IGF2BP1: variants seen among roughly 807,000 people sequenced by gnomAD.
IGF2BP1 encodes insulin-like growth factor 2 mRNA-binding protein 1.
IGF2BP1 carries 11 observed loss-of-function variants against 74.9 expected under a neutral mutation model. The ratio of observed to expected loss-of-function variants is 0.15; its 90% confidence interval spans 0.09 to 0.24. The LOEUF is 0.24. Ranked by LOEUF, IGF2BP1 falls within the 10% of genes least tolerant of loss-of-function variation. IGF2BP1 has a pLI of 1.00. For missense variants in IGF2BP1, 440 were observed against 757.4 expected (o/e 0.58, Z 4.92); for synonymous variants, 287 against 281.8 (o/e 1.02, Z -0.18).
intron 2 of IGF2BP1, among the ~76,000 whole-genome samples, chr17:49,011,152 A>C (rs1396981086): frequency 7.3e-5 from 11 of 150,082 alleles, no homozygotes; most frequent in South Asian, 4.2e-4. Flanking sequence ...AAAAAAAAAA[A>C]AAAAAAAAAA....
At chr17:49,003,711 G>A (rs2041511154) in intron 2 of IGF2BP1, among the ~76,000 whole-genome samples, 1 of 148,468 alleles carries the variant, frequency 6.7e-6, no homozygotes, top group East Asian at 2.0e-4. Flanking sequence ...GAAAAGGGGA[G>A]GAAAAAAGCA....
intron 2 of IGF2BP1, among the ~76,000 whole-genome samples, chr17:49,019,904 T>TAATATA (rs2041756785): frequency 2.3e-5 from 1 of 43,910 alleles, no homozygotes; most frequent in Non-Finnish European, 4.2e-5. Flanking sequence ...CCTGGCTAAT[T>TAATATA]TATATATATA....
At chr17:49,035,246 A>G (rs1324777169) in intron 5 of IGF2BP1, among the ~76,000 whole-genome samples, 1 of 152,244 alleles carries the variant, frequency 6.6e-6, no homozygotes, top group Non-Finnish European at 1.5e-5. Context: ...TGATATCCAC[A>G]TGACAAAAGA....
At position 49,038,364 on chromosome 17, in the gene IGF2BP1, C is replaced by A; in HGVS notation, c.598C>A (p.Leu200Ile). 1 of 1,604,548 alleles carries A rather than the reference C, an allele frequency of 6.2e-7. No homozygotes were observed. Among genetic ancestry groups the A allele is most frequent in the Non-Finnish European group, 8.5e-7 (1 of 1,175,734 alleles). Residue 200 changes from leucine to isoleucine, a missense_variant, in exon 6 of 15, where the codon CTC becomes ATC. Leu to Ile is a conservative substitution (Grantham distance 5). Coordinates refer to ENST00000290341, the MANE Select transcript of IGF2BP1 (RefSeq NM_006546.4). ...KQQQVDIPLR[L>I]LVPTQYVGAI... ...GCAGCAAGTGGACATCCCCCTTCGGCTCCTGGTGCCCACCCAGTATGTGGG... is the reference window on the plus strand; with the variant it reads ...GCAGCAAGTGGACATCCCCCTTCGGATCCTGGTGCCCACCCAGTATGTGGG...
upstream of IGF2BP1, among the ~76,000 whole-genome samples, chr17:48,996,964 T>C (rs1333625046): frequency 6.6e-6 from 1 of 152,160 alleles, no homozygotes; most frequent in Non-Finnish European, 1.5e-5. Flanking sequence ...CTTCGGCTTC[T>C]CTTTGTCTGT....
intron 2 of IGF2BP1, among the ~76,000 whole-genome samples, chr17:49,013,370 C>G (rs967877725): frequency 3.3e-5 from 5 of 152,158 alleles, no homozygotes; most frequent in Admixed American, 3.3e-4. Flanking sequence ...TCCGTGCCCC[C>G]ACCCTGCTCC....
rs1206436589 is a variant in IGF2BP1 at position 49,046,244 on chromosome 17, C to T, written c.1528-16C>T. On this transcript the variant is annotated splice_polypyrimidine_tract_variant and intron_variant, in intron 13 of 14. Transcript: ENST00000290341. ...TTTCTTGATGGCACCCTGAGCTCCT[C>T]TCTGGCCACCCCCAGGTGAACGAGT... The T allele has an allele frequency of 4.3e-6, 7 of 1,609,536 alleles. No individual in the cohort carries two copies. In the African/African-American group the frequency reaches 9.4e-5, roughly 21 times the overall value.
At position 49,054,082 on chromosome 17, in the gene IGF2BP1, C is replaced by G. The variant is rs1366178768; in HGVS notation, c.*4638C>G. ...TAACACCAGCTGAAAACTGCAGTTT[C>G]TTTCCTTTGGATACATAAGGCTTCT... On this transcript the variant is annotated 3_prime_UTR_variant, in exon 15 of 15. Coordinates refer to ENST00000290341, the MANE Select transcript of IGF2BP1 (RefSeq NM_006546.4). 6.5e-6 allele frequency: 1 copy of G among 152,678 alleles called. No individual in the cohort carries two copies. Among genetic ancestry groups the G allele is most frequent in the Admixed American group, 6.5e-5 (1 of 15,290 alleles). The allele number at this position is 152,678 out of a possible 1,614,324, so 9.5% of individuals were successfully genotyped here. A position where few individuals can be genotyped will look rare whatever the true frequency, so the allele number is the denominator to read the frequency against.
rs1344102623 is a variant in IGF2BP1, at chr17:49,041,363, C to CT, written c.819-12dup. On this transcript the variant is annotated splice_polypyrimidine_tract_variant and intron_variant, in intron 7 of 14. Transcript: ENST00000290341. Reference sequence around the variant, plus strand: ...AGGAACTCTTGTCTTCCACTTCTTCCTTTGTCTTCCCAAGGGCTGACGAGG... The same window carrying CT: ...AGGAACTCTTGTCTTCCACTTCTTCCTTTTGTCTTCCCAAGGGCTGACGAGG... The CT allele has an allele frequency of 6.2e-7, 1 of 1,613,332 alleles. No individual in the cohort carries two copies. The highest frequency in any genetic ancestry group is 1.3e-5 in the African/African-American group (1 of 74,850).
At chr17:48,999,710 A>G (rs2041461430) in intron 2 of IGF2BP1, among the ~76,000 whole-genome samples, 1 of 151,206 alleles carries the variant, frequency 6.6e-6, no homozygotes, top group Non-Finnish European at 1.5e-5. Flanking sequence ...TTTATTTTCC[A>G]TGGACCCCCC....
In IGF2BP1 at chr17:49,056,066, G is replaced by T. The variant is rs1479713747; in HGVS notation, c.*6622G>T. On this transcript the variant is annotated 3_prime_UTR_variant, in exon 15 of 15. Transcript: ENST00000290341. Reference sequence around the variant, plus strand: ...AACGAACACTCCAGTTTTCTTTCCCGTGAAGGTTGTTTCAGCCACAAACCA... The same window carrying T: ...AACGAACACTCCAGTTTTCTTTCCCTTGAAGGTTGTTTCAGCCACAAACCA... Among the ~76,000 whole-genome samples, 1 of 151,830 alleles carries T rather than the reference G, an allele frequency of 6.6e-6. No homozygotes were observed. Among genetic ancestry groups the T allele is most frequent in the South Asian group, 2.1e-4 (1 of 4,808 alleles).
Position 49,043,439 on chromosome 17 carries a change from C to T in IGF2BP1, c.1089C>T (p.His363=). 6.2e-7 allele frequency: 1 copy of T among 1,614,044 alleles called. No individual in the cohort carries two copies. Among genetic ancestry groups the T allele is most frequent in the Non-Finnish European group, 8.5e-7 (1 of 1,179,998 alleles). ...TCTTTCTTCCCCAGCTGCAGTCTCACCTGATCCCTGGCCTGAACCTGGCTG... is the reference window on the plus strand; with the variant it reads ...TCTTTCTTCCCCAGCTGCAGTCTCATCTGATCCCTGGCCTGAACCTGGCTG... The part of the protein sequence containing the change: ...NDVAAMSLQS[H]LIPGLNLAAV... Residue 363 remains histidine (H), a synonymous_variant, in exon 10 of 15, where the codon CAC becomes CAT. Coordinates refer to ENST00000290341, the MANE Select transcript of IGF2BP1 (RefSeq NM_006546.4).
At chr17:49,031,392 C>T (rs2041919649) in intron 4 of IGF2BP1, among the ~76,000 whole-genome samples, 3 of 152,096 alleles carry the variant, frequency 2.0e-5, no homozygotes, top group Admixed American at 2.0e-4. Flanking sequence ...CGTGAGGTAC[C>T]ATGCTCTGCC....
intron 2 of IGF2BP1, among the ~76,000 whole-genome samples, chr17:49,001,713 G>T (rs2041490175): frequency 6.6e-6 from 1 of 152,080 alleles, no homozygotes; most frequent in Non-Finnish European, 1.5e-5. Context: ...TTAACAATTT[G>T]TGCTTTTTTG....
chr17:49,021,344 T>C (rs2041789917), intron 2 of IGF2BP1, among the ~76,000 whole-genome samples: 1 of 152,132 alleles, frequency 6.6e-6, no homozygotes, highest in Non-Finnish European at 1.5e-5. Context: ...CATAGCTTTT[T>C]AAGCTGTTGC....
In IGF2BP1 at chr17:49,025,312, A is replaced by G. The variant is rs202025754; in HGVS notation, c.237-306A>G. Among the ~76,000 whole-genome samples, 306 of 77,042 alleles carry G rather than the reference A, an allele frequency of 4.0e-3. 2 individuals are homozygous for G. The highest frequency in any genetic ancestry group is 0.014 in the Middle Eastern group (2 of 138). The allele number at this position is 77,042 out of a possible 152,430, so 50.5% of individuals were successfully genotyped here. A position where few individuals can be genotyped will look rare whatever the true frequency, so the allele number is the denominator to read the frequency against. ...GAATGAGAAAGTGGTGGGACAAACA[A>G]AGTGTGTGTGTGTGTGTGTGTGTGT... On this transcript the variant is annotated intron_variant, in intron 2 of 14. Coordinates refer to ENST00000290341, the MANE Select transcript of IGF2BP1 (RefSeq NM_006546.4).
chr17:48,998,959 C>G, intron 1 of IGF2BP1, 150 bp from the exon 2 acceptor site: 2 of 615,716 alleles, frequency 3.2e-6, no homozygotes, highest in South Asian at 2.0e-5. Flanking sequence ...AACCTTTTTC[C>G]CATCTGGATG....
chr17:49,016,002 T>C (rs1240958257), intron 2 of IGF2BP1, among the ~76,000 whole-genome samples: 1 of 152,184 alleles, frequency 6.6e-6, no homozygotes, highest in Non-Finnish European at 1.5e-5. Context: ...CATCCAGCCG[T>C]ATGATAGGGC....
At chr17:49,018,713 C>T (rs1365586787) in intron 2 of IGF2BP1, among the ~76,000 whole-genome samples, 1 of 151,856 alleles carries the variant, frequency 6.6e-6, no homozygotes, top group African/African-American at 2.4e-5. Flanking sequence ...ACAGAAAATC[C>T]CTCTAATTAA....
Sources: gnomAD v4.1 joint callset for allele counts (sites outside exome capture counted in the v4.1 genomes callset) on GRCh38, gnomAD v4.1.1 for gene constraint, MANE v1.5 for transcripts, NCBI Gene and HGNC (gene_info 2026-07-23, HGNC 2026-07-21) for gene names.